Variants in C16orf96 observed in about 807,000 individuals in gnomAD.
C16orf96 encodes the protein uncharacterized protein C16orf96.
C16orf96 carries 108 observed loss-of-function variants against 103.6 expected under a neutral mutation model. The observed-to-expected ratio is 1.04, with a 90% CI of 0.89 to 1.22. The LOEUF is 1.22. C16orf96 is among the 50% of genes most tolerant of loss of function. C16orf96 has a pLI of 0.00. For missense variants in C16orf96, 1,586 were observed against 1,464.2 expected, an observed-to-expected ratio of 1.08 and a Z score of -1.36; for synonymous variants, 566 against 593.5, an observed-to-expected ratio of 0.95 and a Z score of 0.67.
In C16orf96 at chr16:4,575,741, T is replaced by C; in HGVS notation, c.1261T>C (p.Ser421Pro). 1.3e-6 allele frequency: 2 copies of C among 1,544,306 alleles called. No homozygotes were observed. The highest frequency in any genetic ancestry group is 1.7e-6 in the Non-Finnish European group (2 of 1,143,832). Residue 421 changes from serine to proline, a missense_variant, in exon 5 of 16, where the codon TCC (serine) becomes CCC (proline). Coordinates refer to ENST00000444310, the MANE Select transcript of C16orf96 (RefSeq NM_001145011.2). ...CCTGCGGCCAACTCAGCCCCAACCCTCCAGGGCCCCACCACCAGCCACTGA... is the reference window on the plus strand; with the variant it reads ...CCTGCGGCCAACTCAGCCCCAACCCCCCAGGGCCCCACCACCAGCCACTGA... ...GVLRPTQPQP[S>P]RAPPPATEFG...
chr16:4,559,510 C>T (rs1379811017), intron 1 of C16orf96, among the ~76,000 whole-genome samples: 5 of 151,130 alleles, frequency 3.3e-5, no homozygotes, highest in Non-Finnish European at 7.4e-5. Flanking sequence ...GAGATTGCGC[C>T]ACTGCACTCC....
chr16:4,556,484 G>A lies in C16orf96; in HGVS notation c.-6G>A. 2 of 1,518,576 alleles carry A rather than the reference G, an allele frequency of 1.3e-6. No individual in the cohort carries two copies. The highest frequency in any genetic ancestry group is 2.5e-5 in the South Asian group (2 of 79,932). 94.1% of individuals were successfully genotyped at this position (1,518,576 alleles called of 1,614,324 possible). On this transcript the variant is annotated 5_prime_UTR_variant, in exon 1 of 16. Transcript: ENST00000444310. ...AACCCCAGCCCCACTGACCCACCCT[G>A]GCAGGATGAGCTTCTCACTCACGTT...
At chr16:4,544,574 A>T in the C16orf96 span, among the ~76,000 whole-genome samples, 6 of 152,142 alleles carry the variant, frequency 3.9e-5, no homozygotes, top group Non-Finnish European at 8.8e-5. Flanking sequence ...ACGCTGCTGC[A>T]CTCCAGCCTG....
the C16orf96 span, among the ~76,000 whole-genome samples, chr16:4,543,039 C>A: frequency 0.34 from 51,595 of 151,934 alleles, 9,736 homozygotes; most frequent in African/African-American, 0.5. Flanking sequence ...AATAAAGCCC[C>A]ATCTCTGTCC....
In C16orf96 at chr16:4,576,106, A is replaced by G. The variant is rs931628165; in HGVS notation, c.1626A>G (p.Arg542=). 2.6e-6 allele frequency: 4 copies of G among 1,550,782 alleles called. No homozygotes were observed. In the African/African-American group the frequency reaches 4.1e-5, roughly 16 times the overall value. ...GCAAAGATGGGGACCCCAAGGATAG[A>G]GTTGGCAAGGATGGGGCCCCCAAGG... ...RGGKDGDPKD[R]VGKDGAPKEA... The change falls in exon 5 of 16, where the codon AGA becomes AGG. Residue 542 remains arginine, a synonymous_variant. Transcript: ENST00000444310.
chr16:4,574,368 C>A (rs2059475527), intron 2 of C16orf96, among the ~76,000 whole-genome samples: 1 of 152,204 alleles, frequency 6.6e-6, no homozygotes, highest in South Asian at 2.1e-4. Flanking sequence ...ATTACAGGCG[C>A]ATGCCATCAG....
chr16:4,584,611 T>G (rs1273135411), intron 7 of C16orf96, among the ~76,000 whole-genome samples: 1 of 152,064 alleles, frequency 6.6e-6, no homozygotes, highest in Admixed American at 6.6e-5. Context: ...CTTGGCTTAC[T>G]GCAACATCTG....
chr16:4,546,906 C>T, the C16orf96 span, among the ~76,000 whole-genome samples: 1 of 152,150 alleles, frequency 6.6e-6, no homozygotes, highest in Non-Finnish European at 1.5e-5. Context: ...CGTGGATGAA[C>T]CTTGAGAACA....
At chr16:4,549,371 G>A in the C16orf96 span, among the ~76,000 whole-genome samples, 3 of 151,798 alleles carry the variant, frequency 2.0e-5, no homozygotes, top group Admixed American at 6.6e-5. Flanking sequence ...TGCTCGGGAG[G>A]CTGAGGCAGG....
intron 1 of C16orf96, among the ~76,000 whole-genome samples, chr16:4,563,972 C>A (rs1406715318): frequency 6.7e-6 from 1 of 150,198 alleles, no homozygotes; most frequent in African/African-American, 2.5e-5. Flanking sequence ...CCGAAGTGGG[C>A]GGATCACCTG....
At chr16:4,555,220 G>T (rs1030339425), upstream of C16orf96, among the ~76,000 whole-genome samples, 3 of 151,074 alleles carry the variant, frequency 2.0e-5, no homozygotes. Context: ...CGGAGATCGC[G>T]CCACTGCACT....
rs2059496037 is a variant in C16orf96 at position 4,575,682 on chromosome 16, G to C, written c.1202G>C (p.Arg401Thr). 6.5e-7 allele frequency: 1 copy of C among 1,535,952 alleles called. No individual in the cohort carries two copies. The highest frequency in any genetic ancestry group is 8.8e-7 in the Non-Finnish European group (1 of 1,139,898). The change falls in exon 5 of 16, where the codon AGG becomes ACG. Residue 401 changes from arginine (R) to threonine (T), a missense_variant. By Grantham distance (71) the Arg-to-Thr change is moderately conservative. Transcript: ENST00000444310. The part of the protein sequence containing the change: ...RRWPLPQGWP[R>T]VGSWPLWDLG... Reference sequence around the variant, plus strand: ...TGGCCTCTTCCCCAAGGCTGGCCCAGGGTGGGCTCTTGGCCTCTGTGGGAC... The same window carrying C: ...TGGCCTCTTCCCCAAGGCTGGCCCACGGTGGGCTCTTGGCCTCTGTGGGAC...
intron 8 of C16orf96, 60 bp from the exon 9 acceptor site, chr16:4,588,107 C>T: frequency 6.6e-7 from 1 of 1,512,566 alleles, no homozygotes; most frequent in East Asian, 2.5e-5. Context: ...TGTGATGTCT[C>T]CCAGCTTTGC....
intron 14 of C16orf96, 23 bp from the exon 15 acceptor site, chr16:4,599,261 T>A: frequency 6.5e-7 from 1 of 1,549,070 alleles, no homozygotes; most frequent in African/African-American, 1.4e-5. Context: ...CACCCACACC[T>A]GTCTCTTTTC....
In C16orf96 at chr16:4,594,523, G is replaced by T. The variant is rs930577935; in HGVS notation, c.3027+13G>T. ...CGACTATGACAGCGTGAGTCTGGCC[G>T]GGGCCTCCTTCTCAGAGGGTGGACG... On this transcript the variant is annotated intron_variant, in intron 13 of 15. Coordinates refer to ENST00000444310, the MANE Select transcript of C16orf96 (RefSeq NM_001145011.2). The T allele has an allele frequency of 6.5e-7, 1 of 1,548,818 alleles. No individual in the cohort carries two copies. The highest frequency in any genetic ancestry group is 8.7e-7 in the Non-Finnish European group (1 of 1,145,186).
intron 14 of C16orf96, among the ~76,000 whole-genome samples, chr16:4,598,149 C>A (rs892917829): frequency 6.6e-6 from 1 of 151,894 alleles, no homozygotes; most frequent in Non-Finnish European, 1.5e-5. Flanking sequence ...CCCAGAAGTT[C>A]GAGACCAACC....
intron 10 of C16orf96, among the ~76,000 whole-genome samples, 163 bp from the exon 11 acceptor site, chr16:4,592,142 G>T (rs1457318250): frequency 6.6e-6 from 1 of 152,244 alleles, no homozygotes; most frequent in African/African-American, 2.4e-5. Flanking sequence ...GTTTGGGGCG[G>T]CAGAGAAACC....
In C16orf96 at chr16:4,593,158, G is replaced by A. The variant is rs1897097100; in HGVS notation, c.2775-66G>A. ...CTGGGAAGGCTTCCTGGAGGGGTGG[G>A]AGACGAGCCCTCTGCTGGCCTAGCA... On this transcript the variant is annotated intron_variant, in intron 11 of 15. Coordinates refer to ENST00000444310, the MANE Select transcript of C16orf96 (RefSeq NM_001145011.2). This position sits in a 1 kb window ranked among gnomAD's most constrained non-coding sequence, Gnocchi z 4.2. 6.9e-7 allele frequency: 1 copy of A among 1,449,826 alleles called. No individual in the cohort carries two copies. Among genetic ancestry groups the A allele is most frequent in the Admixed American group, 2.0e-5 (1 of 50,644 alleles). 89.8% of individuals were successfully genotyped at this position (1,449,826 alleles called of 1,614,324 possible).
rs1489974323 is a variant in C16orf96, at chr16:4,600,524, C to T, written c.*207C>T. 6.3e-5 allele frequency: 31 copies of T among 488,638 alleles called. 1 individual carries two copies. Among genetic ancestry groups the T allele is most frequent in the Non-Finnish European group, 8.6e-5 (23 of 268,484 alleles). The allele number at this position is 488,638 out of a possible 1,614,324, so 30.3% of individuals were successfully genotyped here. A position where few individuals can be genotyped will look rare whatever the true frequency, so the allele number is the denominator to read the frequency against. On this transcript the variant is annotated 3_prime_UTR_variant, in exon 16 of 16. Transcript: ENST00000444310. ...ATCCCTACCAAGTCCCCTCCACGTC[C>T]GAGGCTGAGACCCATATGCCCCCCC...
Sources: gnomAD v4.1 joint callset for allele counts (sites outside exome capture counted in the v4.1 genomes callset) on GRCh38, gnomAD v4.1.1 for gene constraint, Gnocchi (gnomAD v3.1) non-coding constraint, MANE v1.5 for transcripts, NCBI Gene and HGNC (gene_info 2026-07-23, HGNC 2026-07-21) for gene names.